Variants in PPP2R2B observed in about 807,000 individuals in gnomAD.
PPP2R2B encodes serine/threonine-protein phosphatase 2A 55 kDa regulatory subunit B beta isoform.
Under a neutral mutation model 46.0 loss-of-function variants are expected in PPP2R2B, and 5 were observed. The ratio of observed to expected loss-of-function variants is 0.11; its 90% CI spans 0.06 to 0.23. PPP2R2B has a LOEUF of 0.23. Ranked by LOEUF, PPP2R2B falls within the 10% of genes least tolerant of loss-of-function variation. The pLI is 1.00. For synonymous variants in PPP2R2B, 215 were observed against 206.7 expected (o/e 1.04, Z -0.34); for missense variants, 367 against 575.0 (o/e 0.64, Z 3.70).
chr5:146,875,786 G>C (rs1488970268), intron 2 of PPP2R2B, among the ~76,000 whole-genome samples: 2 of 152,136 alleles, frequency 1.3e-5, no homozygotes, highest in African/African-American at 4.8e-5. Flanking sequence ...AAACTTGTGG[G>C]GCAAGTCCCC....
chr5:147,064,961 A>G (rs1342758043), intron 2 of PPP2R2B, among the ~76,000 whole-genome samples: 1 of 152,212 alleles, frequency 6.6e-6, no homozygotes, highest in Non-Finnish European at 1.5e-5. Context: ...GAAAGCTAGT[A>G]TTCTTTCATT....
intron 5 of PPP2R2B, among the ~76,000 whole-genome samples, chr5:146,670,476 ATTAT>A (rs58516893): frequency 0.058 from 8,304 of 144,220 alleles, 737 homozygotes; most frequent in African/African-American, 0.19. Flanking sequence ...TATGTGTACT[ATTAT>A]TTATTTATTT....
chr5:147,073,352 C>T (rs1021648978), intron 2 of PPP2R2B, among the ~76,000 whole-genome samples: 1 of 152,182 alleles, frequency 6.6e-6, no homozygotes, highest in African/African-American at 2.4e-5. Flanking sequence ...CAGAGTACAG[C>T]AAGCCTCCTC....
chr5:146,979,522 G>A (rs1040806245), intron 1 of PPP2R2B, among the ~76,000 whole-genome samples: 1 of 149,820 alleles, frequency 6.7e-6, no homozygotes, highest in African/African-American at 2.5e-5. Context: ...AAACTTAAAT[G>A]AACCAATGAA....
At chr5:146,927,752 T>A (rs1291669076) in intron 1 of PPP2R2B, among the ~76,000 whole-genome samples, 2 of 151,460 alleles carry the variant, frequency 1.3e-5, no homozygotes, top group Admixed American at 6.6e-5. Context: ...TTTTTTTTTT[T>A]AGATGGAGTC....
At position 146,878,049 on chromosome 5, in the gene PPP2R2B, C is replaced by A; in HGVS notation, c.23G>T (p.Arg8Leu). 1.2e-6 allele frequency: 2 copies of A among 1,614,114 alleles called. No individual in the cohort carries two copies. Among genetic ancestry groups the A allele is most frequent in the Non-Finnish European group, 1.7e-6 (2 of 1,180,010 alleles). MEEDIDT[R>L]KINNSFLRDH... is the part of the protein sequence containing the mutation. ...GCGCAGGAAACTGTTGTTGATTTTG[C>A]GGGTATCAATGTCCTCCTCCATTGA... Residue 8 changes from arginine to leucine, a missense_variant, in exon 2 of 10, where the codon CGC (arginine) becomes CTC (leucine). Arg to Leu is a moderately radical substitution (Grantham distance 102, BLOSUM62 -2). Around this residue, in one of 2 missense-constraint regions of PPP2R2B, gnomAD observed 361 missense variants for 545.5 expected, o/e 0.66. Coordinates refer to ENST00000394411, the MANE Select transcript of PPP2R2B (RefSeq NM_181675.4). This position sits in a 1 kb window ranked among gnomAD's most constrained non-coding sequence, Gnocchi z 4.5.
intron 5 of PPP2R2B, among the ~76,000 whole-genome samples, chr5:146,667,985 G>C (rs911559242): frequency 2.4e-4 from 37 of 152,072 alleles, no homozygotes; most frequent in African/African-American, 8.0e-4. Context: ...TTGTCCCTTG[G>C]ACATCCCATA....
chr5:146,831,367 G>A (rs2151350905), intron 2 of PPP2R2B, among the ~76,000 whole-genome samples: 1 of 151,864 alleles, frequency 6.6e-6, no homozygotes, highest in South Asian at 2.1e-4. Context: ...TGTGGTGGCA[G>A]GTGCCTGTAA....
chr5:147,056,134 A>T (rs2151905614), upstream of PPP2R2B: 1 of 1,043,666 alleles, frequency 9.6e-7, no homozygotes, highest in South Asian at 3.7e-5. Flanking sequence ...ATCCAGCAGG[A>T]TATGGGAGTA....
chr5:146,742,195 T>C (rs1752918598), intron 2 of PPP2R2B, among the ~76,000 whole-genome samples: 2 of 152,248 alleles, frequency 1.3e-5, no homozygotes, highest in South Asian at 4.1e-4. Flanking sequence ...ATTGTTGGAT[T>C]TGAGACTATA....
At chr5:146,934,164 C>A (rs1275134253) in intron 1 of PPP2R2B, among the ~76,000 whole-genome samples, 1 of 152,008 alleles carries the variant, frequency 6.6e-6, no homozygotes, top group African/African-American at 2.4e-5. Flanking sequence ...GTCTTTATAG[C>A]AGCATGATTT....
chr5:146,846,226 A>G lies in PPP2R2B; in HGVS notation c.70+31776T>C, dbSNP rs191225944. Among the ~76,000 whole-genome samples, 159 of 152,052 alleles carry G rather than the reference A, an allele frequency of 1.0e-3. 1 individual carries two copies. Among genetic ancestry groups the G allele is most frequent in the African/African-American group, 3.7e-3 (154 of 41,508 alleles). On this transcript the variant is annotated intron_variant, in intron 2 of 9. Coordinates refer to ENST00000394411, the MANE Select transcript of PPP2R2B (RefSeq NM_181675.4). ...AAAACCCGTCTCTACAAGAAATACA[A>G]AAATTAGCTGGGCATGGTGGTGTGC... is the stretch of plus-strand genomic sequence containing the variant.
intron 1 of PPP2R2B, among the ~76,000 whole-genome samples, chr5:147,042,044 T>G (rs777074674): frequency 7.2e-5 from 11 of 152,164 alleles, no homozygotes; most frequent in Non-Finnish European, 1.6e-4. Context: ...GATAAGATAC[T>G]GTGGCGAGCT....
At chr5:146,801,326 T>C (rs892800729) in intron 2 of PPP2R2B, among the ~76,000 whole-genome samples, 2 of 152,204 alleles carry the variant, frequency 1.3e-5, no homozygotes. Context: ...TATTAAGTGT[T>C]CTTGCCATAT....
intron 2 of PPP2R2B, among the ~76,000 whole-genome samples, chr5:146,744,566 G>A (rs1432685747): frequency 6.6e-6 from 1 of 152,140 alleles, no homozygotes; most frequent in African/African-American, 2.4e-5. Context: ...ACCCTCACAT[G>A]TGTCACCAGG....
At chr5:146,648,398 G>T (rs1326568974) in intron 6 of PPP2R2B, among the ~76,000 whole-genome samples, 1 of 152,020 alleles carries the variant, frequency 6.6e-6, no homozygotes, top group Non-Finnish European at 1.5e-5. Flanking sequence ...TTCTATAAAC[G>T]AACCTTCAGA....
chr5:146,841,586 T>C (rs1459943138), intron 2 of PPP2R2B, among the ~76,000 whole-genome samples: 4 of 152,172 alleles, frequency 2.6e-5, no homozygotes, highest in South Asian at 2.1e-4. Context: ...ATATATACCA[T>C]GGAATACTAT....
intron 2 of PPP2R2B, among the ~76,000 whole-genome samples, chr5:146,799,347 T>A (rs1756725156): frequency 6.6e-6 from 1 of 152,230 alleles, no homozygotes; most frequent in South Asian, 2.1e-4. Context: ...GAGCTCTATT[T>A]ACTTTTGGTT....
chr5:146,991,072 C>A (rs1483043741), intron 1 of PPP2R2B, among the ~76,000 whole-genome samples: 1 of 151,866 alleles, frequency 6.6e-6, no homozygotes, highest in African/African-American at 2.4e-5. Flanking sequence ...AAAAAAAACA[C>A]AAATGCTTGT....
Sources: gnomAD v4.1 joint callset for allele counts (sites outside exome capture counted in the v4.1 genomes callset) on GRCh38, gnomAD v4.1.1 for gene constraint, gnomAD v4.1.1 regional missense constraint, Gnocchi (gnomAD v3.1) non-coding constraint, MANE v1.5 for transcripts, NCBI Gene and HGNC (gene_info 2026-07-23, HGNC 2026-07-21) for gene names.